The following EXOC6 variants were observed in gnomAD, a reference collection of about 807,000 sequenced individuals.
EXOC6 encodes the protein SEC15-like 1.
In EXOC6, 60 loss-of-function variants were observed where a neutral mutation model predicts 112.5. The observed-to-expected ratio is 0.53, with a 90% CI of 0.43 to 0.66. EXOC6 has a LOEUF of 0.66. EXOC6 is among the 30% of genes least tolerant of loss of function. The probability of loss-of-function intolerance (pLI) is 0.00; values close to 1 mark genes in which losing one functional copy is unlikely to be tolerated. For synonymous variants in EXOC6, 295 were observed against 308.0 expected, an observed-to-expected ratio of 0.96 and a Z score of 0.44; for missense variants, 855 against 957.1, an observed-to-expected ratio of 0.89 and a Z score of 1.41.
intron 13 of EXOC6, among the ~76,000 whole-genome samples, chr10:92,942,857 T>G (rs1852745722): frequency 1.3e-5 from 2 of 152,172 alleles, no homozygotes; most frequent in African/African-American, 4.8e-5. Context: ...GGTATTGTTT[T>G]CTGTCTGGGA....
At chr10:93,055,698 G>GTTTCAACT (rs1421790315) in intron 20 of EXOC6, among the ~76,000 whole-genome samples, 2 of 29,938 alleles carry the variant, frequency 6.7e-5, no homozygotes, top group African/African-American at 1.8e-4. Context: ...CTATCCTAGT[G>GTTTCAACT]TTTCAACTGT....
At chr10:92,971,548 G>A (rs574505813) in intron 17 of EXOC6, among the ~76,000 whole-genome samples, 1 of 151,556 alleles carries the variant, frequency 6.6e-6, no homozygotes, top group East Asian at 2.0e-4. Context: ...CTAATTTTTT[G>A]TATTTTTAGT....
At chr10:92,893,210 G>A (rs1248047245) in intron 1 of EXOC6, 139 bp from the exon 2 acceptor site, 16 of 562,628 alleles carry the variant, frequency 2.8e-5, no homozygotes, top group South Asian at 3.9e-5. Flanking sequence ...ATACTTTCAC[G>A]CAAATTATTT....
chr10:92,893,480 C>T lies in EXOC6; in HGVS notation c.233C>T (p.Thr78Ile), dbSNP rs1291536974. 1 of 1,611,952 alleles carries T rather than the reference C, an allele frequency of 6.2e-7. No homozygotes were observed. Among genetic ancestry groups the T allele is most frequent in the Non-Finnish European group, 8.5e-7 (1 of 1,178,974 alleles). Residue 78 changes from threonine (T) to isoleucine (I), a missense_variant, in exon 2 of 22, where the codon ACA (threonine) becomes ATA (isoleucine). Physicochemically the swap from Thr to Ile is moderately conservative, Grantham distance 89 (BLOSUM62 -1). Transcript: ENST00000260762. ...CATCAGGGTTTTGTAGATGCTATTACAGAACTCCTTAAAGTAAGGACTGAT... is the reference window on the plus strand; with the variant it reads ...CATCAGGGTTTTGTAGATGCTATTATAGAACTCCTTAAAGTAAGGACTGAT... ...FHHQGFVDAI[T>I]ELLKVRTDAE...
chr10:92,837,563 CA>C (rs1215868569), intron 1 of EXOC6, among the ~76,000 whole-genome samples: 12 of 152,156 alleles, frequency 7.9e-5, no homozygotes, highest in Admixed American at 4.6e-4. Context: ...CTCGGGAGGC[CA>C]AAGGGGGAGG....
At chr10:92,983,366 T>G (rs1564885721) in intron 18 of EXOC6, among the ~76,000 whole-genome samples, 1 of 152,146 alleles carries the variant, frequency 6.6e-6, no homozygotes, top group African/African-American at 2.4e-5. Context: ...TTCTGGTGGT[T>G]ATCTTATTAA....
chr10:92,976,138 C>G (rs1171748167), intron 18 of EXOC6, among the ~76,000 whole-genome samples: 1 of 151,958 alleles, frequency 6.6e-6, no homozygotes, highest in Non-Finnish European at 1.5e-5. Flanking sequence ...AAGTGAGGAG[C>G]CCCTCTGCCG....
intron 6 of EXOC6, among the ~76,000 whole-genome samples, chr10:92,913,415 T>A (rs935307684): frequency 2.0e-5 from 3 of 152,220 alleles, no homozygotes; most frequent in South Asian, 2.1e-4. Context: ...CACCACTTCA[T>A]CTTAAGTGAT....
At chr10:93,017,568 G>A (rs1042931663) in intron 20 of EXOC6, among the ~76,000 whole-genome samples, 2 of 151,718 alleles carry the variant, frequency 1.3e-5, no homozygotes, top group Non-Finnish European at 2.9e-5. Flanking sequence ...CCAGCCTGGC[G>A]ACAGAGCAAG....
chr10:92,982,269 C>A (rs1160058645), intron 18 of EXOC6, among the ~76,000 whole-genome samples: 7 of 152,048 alleles, frequency 4.6e-5, no homozygotes, highest in Admixed American at 4.6e-4. Context: ...TAAAAAAAAT[C>A]TATTAACAGG....
At chr10:92,859,823 G>A (rs1308505303) in intron 1 of EXOC6, among the ~76,000 whole-genome samples, 6 of 44,846 alleles carry the variant, frequency 1.3e-4, no homozygotes, top group African/African-American at 3.3e-4. Context: ...TTGTGTGCAT[G>A]TGTGTGTGTG....
upstream of EXOC6, among the ~76,000 whole-genome samples, chr10:92,832,077 C>T (rs974510318): frequency 1.3e-5 from 2 of 152,172 alleles, no homozygotes; most frequent in Admixed American, 6.5e-5. Context: ...TATAGTGATG[C>T]TGATGGCTCT....
chr10:93,043,210 C>T (rs898323665), intron 20 of EXOC6, among the ~76,000 whole-genome samples: 4 of 152,164 alleles, frequency 2.6e-5, no homozygotes, highest in Admixed American at 1.3e-4. Flanking sequence ...GCTGGGATTA[C>T]GGGCCTGAGC....
chr10:92,833,231 C>T (rs566016470), upstream of EXOC6, among the ~76,000 whole-genome samples: 1 of 152,306 alleles, frequency 6.6e-6, no homozygotes, highest in South Asian at 2.1e-4. Flanking sequence ...GGGCTTGGCT[C>T]ATCAGAGTGG....
intron 20 of EXOC6, among the ~76,000 whole-genome samples, chr10:93,016,267 G>A (rs1348563347): frequency 6.6e-6 from 1 of 151,890 alleles, no homozygotes; most frequent in Non-Finnish European, 1.5e-5. Flanking sequence ...CTGAGTAGCT[G>A]GGACTACAGA....
At chr10:93,053,337 T>TA (rs1846391088) in intron 20 of EXOC6, among the ~76,000 whole-genome samples, 1 of 152,244 alleles carries the variant, frequency 6.6e-6, no homozygotes, top group African/African-American at 2.4e-5. Flanking sequence ...GACCCAGGAA[T>TA]AAAGTCCTGG....
At position 92,977,676 on chromosome 10, in the gene EXOC6, G is replaced by GACACAC. The variant is rs10636165; in HGVS notation, c.1953+3456_1953+3461dup. Among the ~76,000 whole-genome samples, 292 of 150,706 alleles carry GACACAC rather than the reference G, an allele frequency of 1.9e-3. 3 individuals are homozygous for GACACAC. The highest frequency in any genetic ancestry group is 6.6e-3 in the African/African-American group (273 of 41,160). On this transcript the variant is annotated intron_variant, in intron 18 of 21. Coordinates refer to ENST00000260762, the MANE Select transcript of EXOC6 (RefSeq NM_019053.6). ...GAACAAACACATGTACGTGCTTGCAGACACACACACACACACATACACACA... is the reference window on the plus strand; with the variant it reads ...GAACAAACACATGTACGTGCTTGCAGACACACACACACACACACACACATACACACA...
intron 1 of EXOC6, among the ~76,000 whole-genome samples, chr10:92,838,833 G>A (rs1227893854): frequency 6.6e-6 from 1 of 152,156 alleles, no homozygotes; most frequent in African/African-American, 2.4e-5. Flanking sequence ...CCAGCACTTT[G>A]GGAGGCTAAG....
At chr10:92,867,109 T>C (rs565127779) in intron 1 of EXOC6, among the ~76,000 whole-genome samples, 1 of 152,248 alleles carries the variant, frequency 6.6e-6, no homozygotes, top group African/African-American at 2.4e-5. Context: ...GGTCAAGAGA[T>C]GTAAGAGTCA....
Sources: gnomAD v4.1 joint callset for allele counts (sites outside exome capture counted in the v4.1 genomes callset) on GRCh38, gnomAD v4.1.1 for gene constraint, MANE v1.5 for transcripts, NCBI Gene and HGNC (gene_info 2026-07-23, HGNC 2026-07-21) for gene names.